The following OR2L5 variants were observed in gnomAD, a reference collection of about 807,000 sequenced individuals.
The protein encoded by OR2L5 is olfactory receptor family 2 subfamily L member 5, also known as olfactory receptor 2L5.
For synonymous variants in OR2L5, 169 were observed against 142.0 expected, an observed-to-expected ratio of 1.19 and a Z score of -1.35; for missense variants, 413 against 381.6, an observed-to-expected ratio of 1.08 and a Z score of -0.69.
At chr1:248,019,262 A>G (rs757143219) in intron 1 of OR2L5, among the ~76,000 whole-genome samples, 59 of 152,246 alleles carry the variant, frequency 3.9e-4, no homozygotes, top group Admixed American at 1.4e-3. Context: ...ATGCATTTAT[A>G]GGAACATATA....
At position 248,022,265 on chromosome 1, in the gene OR2L5, T is replaced by A. The variant is rs927261931; in HGVS notation, c.318T>A (p.Phe106Leu). Reference sequence around the variant, plus strand: ...TTCAGAGTTTCTTCTTCATGACTTTTGCAGGTGCAGAAGCGCTGCTCCTGA... The same window carrying A: ...TTCAGAGTTTCTTCTTCATGACTTTAGCAGGTGCAGAAGCGCTGCTCCTGA... Reference protein sequence around the residue: ...CGIQSFFFMTFAGAEALLLTS... With the variant: ...CGIQSFFFMTLAGAEALLLTS... Residue 106 changes from phenylalanine (F) to leucine (L), a missense_variant, in exon 2 of 2, where the codon TTT (phenylalanine) becomes TTA (leucine). Coordinates refer to ENST00000355281, the MANE Select transcript of OR2L5 (RefSeq NM_001258284.2). 7.4e-6 allele frequency: 12 copies of A among 1,614,104 alleles called. No individual in the cohort carries two copies. The highest frequency in any genetic ancestry group is 3.3e-5 in the Admixed American group (2 of 59,996).
chr1:248,023,144 TAAA>T lies in OR2L5; in HGVS notation c.*259_*261del, dbSNP rs146717356. The T allele has an allele frequency of 0.037, 10,891 of 297,618 alleles. 366 individuals carry two copies. The highest frequency in any genetic ancestry group is 0.061 in the Middle Eastern group (59 of 962). The allele number at this position is 297,618 out of a possible 1,614,324, so 18.4% of individuals were successfully genotyped here. A position where few individuals can be genotyped will look rare whatever the true frequency, so the allele number is the denominator to read the frequency against. ...GGCCATAGAATTTCATTATCATGTA[TAAA>T]TCAAAACAATAAATGTCCAAAGGAA... On this transcript the variant is annotated 3_prime_UTR_variant, in exon 2 of 2. Transcript: ENST00000355281.
chr1:248,013,798 C>T (rs142986241), intron 1 of OR2L5, 60 bp downstream of exon 1: 122 of 152,214 alleles, frequency 8.0e-4, no homozygotes, highest in African/African-American at 2.8e-3. Context: ...GAGACTCTGG[C>T]AAGCGCTTAA....
rs180997542 is a variant in OR2L5 at position 248,022,588 on chromosome 1, C to T, written c.641C>T (p.Ala214Val). ...IFLVFPFTGI[A>V]CSYGWVLLAV... is the part of the protein sequence containing the mutation. ...CTTGTGTTTCCCTTCACTGGCATTGCGTGTTCCTATGGCTGGGTTCTCCTT... is the reference window on the plus strand; with the variant it reads ...CTTGTGTTTCCCTTCACTGGCATTGTGTGTTCCTATGGCTGGGTTCTCCTT... Residue 214 changes from alanine to valine, a missense_variant, in exon 2 of 2, where the codon GCG (alanine) becomes GTG (valine). Coordinates refer to ENST00000355281, the MANE Select transcript of OR2L5 (RefSeq NM_001258284.2). The T allele has an allele frequency of 5.3e-4, 851 of 1,614,156 alleles. 1 individual carries two copies. The highest frequency in any genetic ancestry group is 7.0e-4 in the Non-Finnish European group (829 of 1,180,028).
intron 1 of OR2L5, among the ~76,000 whole-genome samples, chr1:248,014,847 C>T (rs965961802): frequency 6.6e-6 from 1 of 152,142 alleles, no homozygotes; most frequent in African/African-American, 2.4e-5. Flanking sequence ...GCTTACATTT[C>T]TAGTAATTGT....
intron 1 of OR2L5, among the ~76,000 whole-genome samples, chr1:248,021,486 C>A (rs978586175): frequency 1.3e-5 from 2 of 152,160 alleles, no homozygotes; most frequent in African/African-American, 4.8e-5. Flanking sequence ...GAAAATGCCA[C>A]AAATGAACAC....
intron 1 of OR2L5, among the ~76,000 whole-genome samples, chr1:248,021,268 T>C (rs1234524999): frequency 6.6e-6 from 1 of 152,228 alleles, no homozygotes; most frequent in Non-Finnish European, 1.5e-5. Flanking sequence ...CAAATATTAA[T>C]CTCTGGATAG....
chr1:248,021,287 A>AT (rs572735160), intron 1 of OR2L5, among the ~76,000 whole-genome samples: 13 of 152,132 alleles, frequency 8.5e-5, no homozygotes, highest in South Asian at 6.2e-4. Context: ...AGAGAATACG[A>AT]TTTTTTTTCT....
rs893601964 is a variant in OR2L5 at position 248,023,081 on chromosome 1, A to G, written c.*195A>G. On this transcript the variant is annotated 3_prime_UTR_variant, in exon 2 of 2. Coordinates refer to ENST00000355281, the MANE Select transcript of OR2L5 (RefSeq NM_001258284.2). ...TTTGTTTCTGTTTGTGTTTCTTTTT[A>G]TCAAAAGACAGATCATATATTTTAC... 3 of 505,664 alleles carry G rather than the reference A, an allele frequency of 5.9e-6. No homozygotes were observed. Among genetic ancestry groups the G allele is most frequent in the African/African-American group, 3.8e-5 (2 of 52,216 alleles). The allele number at this position is 505,664 out of a possible 1,614,324, so 31.3% of individuals were successfully genotyped here.
At chr1:248,021,894 C>T (rs1033571202) in intron 1 of OR2L5, 33 bp from the exon 2 acceptor site, 105 of 1,420,658 alleles carry the variant, frequency 7.4e-5, no homozygotes, top group Admixed American at 4.8e-4. Flanking sequence ...TGGGGAACTA[C>T]TGTACTTGAC....
chr1:248,021,550 C>T (rs926871205), intron 1 of OR2L5, among the ~76,000 whole-genome samples: 6 of 152,130 alleles, frequency 3.9e-5, no homozygotes, highest in African/African-American at 1.4e-4. Flanking sequence ...ATCATAGTGC[C>T]TACATTGTTC....
At position 248,023,179 on chromosome 1, in the gene OR2L5, C is replaced by T; in HGVS notation, c.*293C>T. On this transcript the variant is annotated 3_prime_UTR_variant, in exon 2 of 2. Transcript: ENST00000355281. Reference sequence around the variant, plus strand: ...CAATAAATGTCCAAAGGAATCATATCATTCAGCATAATAGTTATATGTTAA... The same window carrying T: ...CAATAAATGTCCAAAGGAATCATATTATTCAGCATAATAGTTATATGTTAA... The T allele has an allele frequency of 4.5e-6, 1 of 219,844 alleles. No individual in the cohort carries two copies. Among genetic ancestry groups the T allele is most frequent in the South Asian group, 1.1e-4 (1 of 9,234 alleles). The allele number at this position is 219,844 out of a possible 1,614,324, so 13.6% of individuals were successfully genotyped here.
chr1:248,014,385 A>G (rs1662141839), intron 1 of OR2L5, among the ~76,000 whole-genome samples: 1 of 152,184 alleles, frequency 6.6e-6, no homozygotes, highest in African/African-American at 2.4e-5. Flanking sequence ...CCATATGATT[A>G]GTAGCTATGC....
At chr1:248,015,899 A>C (rs1662186343) in intron 1 of OR2L5, among the ~76,000 whole-genome samples, 1 of 152,178 alleles carries the variant, frequency 6.6e-6, no homozygotes, top group South Asian at 2.1e-4. Flanking sequence ...AACTGAGGAA[A>C]ATATAGGGAA....
chr1:248,016,438 A>G (rs1274143278), intron 1 of OR2L5, among the ~76,000 whole-genome samples: 2 of 152,194 alleles, frequency 1.3e-5, no homozygotes, highest in African/African-American at 4.8e-5. Flanking sequence ...TTGCCTGGTC[A>G]AGGAAAGTAC....
chr1:248,015,431 C>T (rs768460871), intron 1 of OR2L5, among the ~76,000 whole-genome samples: 1 of 152,090 alleles, frequency 6.6e-6, no homozygotes, highest in Non-Finnish European at 1.5e-5. Context: ...TGAAATAATT[C>T]TTACTATAGA....
Position 248,022,368 on chromosome 1 carries a change from G to A in OR2L5, c.421G>A (p.Val141Met), listed in dbSNP as rs774788054. ...YPIRMSKRMY[V>M]LMITGSWMIG... Reference sequence around the variant, plus strand: ...CATCCGTATGAGCAAAAGAATGTATGTGCTGATGATAACAGGATCTTGGAT... The same window carrying A: ...CATCCGTATGAGCAAAAGAATGTATATGCTGATGATAACAGGATCTTGGAT... The change falls in exon 2 of 2, where the codon GTG becomes ATG. Residue 141 changes from valine to methionine, a missense_variant. By Grantham distance (21) the Val-to-Met change is conservative. Coordinates refer to ENST00000355281, the MANE Select transcript of OR2L5 (RefSeq NM_001258284.2). 4.3e-6 allele frequency: 7 copies of A among 1,614,172 alleles called. No individual in the cohort carries two copies. The highest frequency in any genetic ancestry group is 5.9e-6 in the Non-Finnish European group (7 of 1,180,034).
chr1:248,014,611 C>A (rs1486625066), intron 1 of OR2L5, among the ~76,000 whole-genome samples: 21 of 152,182 alleles, frequency 1.4e-4, no homozygotes, highest in Admixed American at 1.3e-3. Flanking sequence ...GGCTATATTA[C>A]TCTACAGTCA....
At chr1:248,021,257 T>C (rs1662326853) in intron 1 of OR2L5, among the ~76,000 whole-genome samples, 1 of 152,194 alleles carries the variant, frequency 6.6e-6, no homozygotes. Flanking sequence ...ATTTGTCTCA[T>C]CAAATATTAA....
Sources: gnomAD v4.1 joint callset for allele counts (sites outside exome capture counted in the v4.1 genomes callset) on GRCh38, gnomAD v4.1.1 for gene constraint, MANE v1.5 for transcripts, NCBI Gene and HGNC (gene_info 2026-07-23, HGNC 2026-07-21) for gene names.